TMEM232: variants seen among roughly 807,000 people sequenced by gnomAD.
TMEM232 encodes the protein transmembrane protein 232.
A neutral mutation model predicts 78.8 loss-of-function variants in TMEM232; 80 were observed. That is an observed-to-expected ratio of 1.01 (90% CI 0.85 to 1.22). The LOEUF is 1.22. Among genes scored for constraint, TMEM232 ranks in the 50% most tolerant of loss-of-function variants. The probability of loss-of-function intolerance (pLI) is 0.00; values close to 1 mark genes in which losing one functional copy is unlikely to be tolerated. For synonymous variants in TMEM232, 297 were observed against 254.3 expected (o/e 1.17, Z -1.60); for missense variants, 881 against 742.2 (o/e 1.19, Z -2.17).
At chr5:110,513,078 G>A (rs1181865531) in intron 12 of TMEM232, among the ~76,000 whole-genome samples, 1 of 152,140 alleles carries the variant, frequency 6.6e-6, no homozygotes, top group Non-Finnish European at 1.5e-5. Flanking sequence ...CTCAGACCAA[G>A]GTTCTGTTTC....
At chr5:110,701,089 C>G (rs116357389) in intron 1 of TMEM232, among the ~76,000 whole-genome samples, 1,793 of 151,906 alleles carry the variant, frequency 0.012, 46 homozygotes, top group African/African-American at 0.04. Context: ...TTATAATGAT[C>G]ATATTTTCTT....
At chr5:110,498,952 G>A (rs994356750) in intron 12 of TMEM232, among the ~76,000 whole-genome samples, 3 of 152,254 alleles carry the variant, frequency 2.0e-5, no homozygotes, top group African/African-American at 7.2e-5. Flanking sequence ...GGAATCCAAA[G>A]TCTCTACAAT....
At chr5:110,639,361 C>A (rs1786349564) in intron 4 of TMEM232, among the ~76,000 whole-genome samples, 1 of 152,134 alleles carries the variant, frequency 6.6e-6, no homozygotes, top group Admixed American at 6.5e-5. Context: ...GCATTAAAAT[C>A]CTTCTGCTGT....
intron 8 of TMEM232, among the ~76,000 whole-genome samples, chr5:110,613,519 C>T (rs1376381907): frequency 1.3e-5 from 2 of 152,068 alleles, no homozygotes; most frequent in South Asian, 2.1e-4. Context: ...GCTAAAGTTA[C>T]TCCTGCTAAT....
At chr5:110,538,750 A>G (rs1260802182) in intron 11 of TMEM232, among the ~76,000 whole-genome samples, 1 of 152,134 alleles carries the variant, frequency 6.6e-6, no homozygotes, top group African/African-American at 2.4e-5. Context: ...CCTGTCCAGG[A>G]ACATTGTAAT....
chr5:110,488,062 T>G (rs1237583560), intron 12 of TMEM232, among the ~76,000 whole-genome samples: 1 of 152,136 alleles, frequency 6.6e-6, no homozygotes, highest in African/African-American at 2.4e-5. Flanking sequence ...GGTATCTAAT[T>G]CTTCCTGATT....
chr5:110,620,858 CTTTTTTTTTT>C (rs558332663), intron 7 of TMEM232, among the ~76,000 whole-genome samples: 2 of 87,440 alleles, frequency 2.3e-5, no homozygotes, highest in African/African-American at 1.1e-4. Context: ...ATTTCAAGCG[CTTTTTTTTTT>C]TTTTTTTTTT....
At chr5:110,682,847 T>G (rs1255794947) in intron 1 of TMEM232, among the ~76,000 whole-genome samples, 1 of 152,124 alleles carries the variant, frequency 6.6e-6, no homozygotes, top group East Asian at 1.9e-4. Flanking sequence ...CTTCTGGAAT[T>G]AAGTGTCTTC....
intron 10 of TMEM232, among the ~76,000 whole-genome samples, chr5:110,598,853 G>A (rs1780520747): frequency 8.3e-6 from 1 of 120,102 alleles, no homozygotes; most frequent in Non-Finnish European, 1.6e-5. Flanking sequence ...ACATTCTGGG[G>A]ACTGTTGTGG....
chr5:110,532,352 T>A (rs1243697292), intron 11 of TMEM232, among the ~76,000 whole-genome samples: 1 of 150,980 alleles, frequency 6.6e-6, no homozygotes, highest in Admixed American at 6.6e-5. Flanking sequence ...CCCTAGACCA[T>A]CACGGATGCC....
rs377315487 is a variant in TMEM232, at chr5:110,574,756, G to T, written c.1277-6131C>A. Among the ~76,000 whole-genome samples the T allele has an allele frequency of 2.6e-5, 4 of 152,218 alleles. No homozygotes were observed. In the South Asian group the frequency reaches 6.2e-4, roughly 24 times the overall value. On this transcript the variant is annotated intron_variant, in intron 10 of 13. Transcript: ENST00000455884. ...TCTTCACACAACTTCTCTGGGAGAG[G>T]ATAATGGGAAGCTCTGTACTTGAGT...
intron 10 of TMEM232, among the ~76,000 whole-genome samples, chr5:110,597,971 A>C (rs972115565): frequency 1.3e-5 from 2 of 152,216 alleles, no homozygotes; most frequent in Non-Finnish European, 2.9e-5. Context: ...TTCATGTCTA[A>C]AACACCAAAA....
rs1302801131 is a variant in TMEM232, at chr5:110,528,780, G to C, written c.1511C>G (p.Ser504Ter). 6.5e-7 allele frequency: 1 copy of C among 1,532,896 alleles called. No individual in the cohort carries two copies. The highest frequency in any genetic ancestry group is 1.4e-5 in the African/African-American group (1 of 72,914). 95.0% of individuals were successfully genotyped at this position (1,532,896 alleles called of 1,614,324 possible). ...GGAGAAAACTTCTTCTCCTACATTT[G>C]ATGAAATATTTGTACTATATCTAGT... ...PFTRYSTNISSNVGEEVFSKY... is the reference protein window; with the variant it reads ...PFTRYSTNIS The change falls in exon 12 of 14, where the codon TCA becomes TGA. Residue 504 changes from serine (S) to a stop codon, truncating the protein, a stop_gained. Coordinates refer to ENST00000455884, the MANE Select transcript of TMEM232 (RefSeq NM_001039763.4). LOFTEE classifies it high-confidence loss of function.
chr5:110,667,152 A>AT (rs893898371), intron 2 of TMEM232, 76 bp downstream of exon 2: 5,732 of 1,150,862 alleles, frequency 5.0e-3, no homozygotes, highest in South Asian at 5.7e-3. Flanking sequence ...CTATGGGTGA[A>AT]TTTTTTTTTT....
chr5:110,618,056 T>C (rs1437286966), intron 8 of TMEM232: 1 of 181,786 alleles, frequency 5.5e-6, no homozygotes, highest in Non-Finnish European at 1.1e-5. Flanking sequence ...AAGTAAGGCA[T>C]AAAGAAATAC....
chr5:110,724,555 G>A (rs1310764594), intron 1 of TMEM232, among the ~76,000 whole-genome samples: 1 of 152,076 alleles, frequency 6.6e-6, no homozygotes, highest in African/African-American at 2.4e-5. Context: ...TCAATTCCAT[G>A]CTCTCTATAA....
At chr5:110,406,263 TATACACACACAC>T (rs1016010435) in intron 2 of TMEM232, among the ~76,000 whole-genome samples, 1 of 51,686 alleles carries the variant, frequency 1.9e-5, no homozygotes, top group African/African-American at 7.1e-5. Flanking sequence ...CACAGATATA[TATACACACACAC>T]ACACACACAC....
chr5:110,721,080 T>A (rs1797545924), intron 1 of TMEM232, among the ~76,000 whole-genome samples: 1 of 152,100 alleles, frequency 6.6e-6, no homozygotes, highest in Non-Finnish European at 1.5e-5. Context: ...AACAAACTAG[T>A]TGCAGGGGAA....
At chr5:110,678,270 G>A (rs1354266585) in intron 1 of TMEM232, among the ~76,000 whole-genome samples, 1 of 151,984 alleles carries the variant, frequency 6.6e-6, no homozygotes, top group African/African-American at 2.4e-5. Context: ...TCACCATGTT[G>A]CCTAGGATGG....
Sources: allele counts gnomAD v4.1 joint callset (sites outside exome capture counted in the v4.1 genomes callset), GRCh38; gene constraint gnomAD v4.1.1; transcripts MANE v1.5; gene names NCBI Gene and HGNC (gene_info 2026-07-23, HGNC 2026-07-21).